The following PTPRD variants were observed in gnomAD, a reference collection of about 807,000 sequenced individuals.
PTPRD encodes the protein receptor-type tyrosine-protein phosphatase delta.
A neutral mutation model predicts 214.5 loss-of-function variants in PTPRD; 34 were observed. That is an observed-to-expected ratio of 0.16 (90% CI 0.12 to 0.21). PTPRD has a LOEUF of 0.21. Ranked by LOEUF, PTPRD falls within the 10% of genes least tolerant of loss-of-function variation. The pLI is 1.00. For synonymous variants in PTPRD, 1,128 were observed against 845.7 expected (o/e 1.33, Z -5.79); for missense variants, 2,545 against 2,398.7 (o/e 1.06, Z -1.27).
chr9:9,585,990 T>C (rs979357068), intron 7 of PTPRD, among the ~76,000 whole-genome samples: 3 of 151,950 alleles, frequency 2.0e-5, no homozygotes, highest in Non-Finnish European at 2.9e-5. Context: ...TAGTTCCGAG[T>C]TGGAAGCAGT....
At chr9:9,815,297 G>A (rs183298414) in intron 5 of PTPRD, among the ~76,000 whole-genome samples, 8 of 152,070 alleles carry the variant, frequency 5.3e-5, no homozygotes, top group Admixed American at 2.6e-4. Flanking sequence ...AATGGTGCCT[G>A]GAAAACTGGA....
chr9:9,055,881 T>A (rs2154397544), intron 10 of PTPRD, among the ~76,000 whole-genome samples: 1 of 151,610 alleles, frequency 6.6e-6, no homozygotes, highest in South Asian at 2.1e-4. Context: ...GTTATATATG[T>A]GCTATGAACA....
chr9:9,613,113 T>A (rs2094606640), intron 7 of PTPRD, among the ~76,000 whole-genome samples: 1 of 104,214 alleles, frequency 9.6e-6, no homozygotes, highest in African/African-American at 3.5e-5. Context: ...ATATAATAGC[T>A]AGGCTGCAGT....
intron 2 of PTPRD, among the ~76,000 whole-genome samples, chr9:10,541,049 G>C (rs185262615): frequency 6.6e-6 from 1 of 152,230 alleles, no homozygotes; most frequent in East Asian, 1.9e-4. Flanking sequence ...ACATTGATAC[G>C]CACTACACAT....
intron 2 of PTPRD, among the ~76,000 whole-genome samples, chr9:10,354,803 T>C (rs1396997412): frequency 6.6e-6 from 1 of 152,166 alleles, no homozygotes; most frequent in Non-Finnish European, 1.5e-5. Context: ...CATCTGACAG[T>C]TCTAATGGAG....
chr9:9,534,800 A>G (rs1279574185), intron 8 of PTPRD, among the ~76,000 whole-genome samples: 1 of 151,970 alleles, frequency 6.6e-6, no homozygotes, highest in Non-Finnish European at 1.5e-5. Context: ...TCTTATTTTT[A>G]CTTTTGCCTC....
intron 12 of PTPRD, among the ~76,000 whole-genome samples, chr9:8,702,516 C>G (rs1254544007): frequency 2.6e-5 from 4 of 152,174 alleles, no homozygotes; most frequent in African/African-American, 9.7e-5. Context: ...ATAAAGCCAA[C>G]AAGGACAGTT....
intron 9 of PTPRD, among the ~76,000 whole-genome samples, chr9:9,299,963 A>G (rs1569567177): frequency 6.7e-6 from 1 of 149,886 alleles, no homozygotes; most frequent in Non-Finnish European, 1.5e-5. Flanking sequence ...GTATGTACAT[A>G]GTTAACTATT....
intron 5 of PTPRD, among the ~76,000 whole-genome samples, chr9:9,877,699 G>T (rs1193992297): frequency 1.3e-5 from 2 of 152,096 alleles, no homozygotes; most frequent in Non-Finnish European, 2.9e-5. Context: ...GCTGGGCCAG[G>T]CACAGTGGCT....
intron 12 of PTPRD, chr9:8,713,582 A>C (rs534849431): frequency 1.2e-4 from 180 of 1,515,302 alleles, no homozygotes; most frequent in Non-Finnish European, 1.6e-4. Flanking sequence ...AGCGGCACCC[A>C]CAACATGTAC....
chr9:8,813,270 G>C (rs2096851905), intron 11 of PTPRD, among the ~76,000 whole-genome samples: 1 of 152,002 alleles, frequency 6.6e-6, no homozygotes. Context: ...AGGGCGGGGG[G>C]GCAGAGGCTG....
chr9:8,852,042 A>T lies in PTPRD; in HGVS notation c.-103-118096T>A, dbSNP rs952797317. ...ACAACCCTTTTAGTTAATAAATGAAATCCATCTACTAACGGTTTAAAAAAA... is the reference window on the plus strand; with the variant it reads ...ACAACCCTTTTAGTTAATAAATGAATTCCATCTACTAACGGTTTAAAAAAA... On this transcript the variant is annotated intron_variant, in intron 11 of 45. Transcript: ENST00000381196. Among the ~76,000 whole-genome samples, 31 of 127,348 alleles carry T rather than the reference A, an allele frequency of 2.4e-4. No homozygotes were observed. The Admixed American group carries it at 2.6e-3, about 11-fold the overall frequency. The allele number at this position is 127,348 out of a possible 152,430, so 83.5% of individuals were successfully genotyped here.
chr9:8,541,667 T>G (rs2078460113), intron 14 of PTPRD, among the ~76,000 whole-genome samples: 1 of 152,102 alleles, frequency 6.6e-6, no homozygotes, highest in South Asian at 2.1e-4. Context: ...GCGCCCAGCC[T>G]TTGTGTTTGT....
intron 5 of PTPRD, among the ~76,000 whole-genome samples, chr9:9,775,949 T>G (rs1328836433): frequency 3.8e-4 from 26 of 68,718 alleles, no homozygotes; most frequent in African/African-American, 1.3e-3. Flanking sequence ...AGCAAGACTC[T>G]GTCTCAAAAA....
At chr9:10,070,171 A>G (rs2097974349) in intron 3 of PTPRD, among the ~76,000 whole-genome samples, 2 of 152,012 alleles carry the variant, frequency 1.3e-5, no homozygotes. Flanking sequence ...ATTGGTTTTT[A>G]TGTTGGCTTT....
At chr9:9,699,623 AAT>A (rs2097452409) in intron 7 of PTPRD, among the ~76,000 whole-genome samples, 1 of 152,208 alleles carries the variant, frequency 6.6e-6, no homozygotes, top group Non-Finnish European at 1.5e-5. Flanking sequence ...CACTTAGAAG[AAT>A]ATGTGTTTTC....
chr9:10,049,573 G>A (rs146493810), intron 3 of PTPRD, among the ~76,000 whole-genome samples: 169 of 152,178 alleles, frequency 1.1e-3, no homozygotes, highest in African/African-American at 3.9e-3. Flanking sequence ...TGTTAATAAA[G>A]TTATAAGGGA....
intron 7 of PTPRD, among the ~76,000 whole-genome samples, chr9:9,701,954 A>C (rs925286749): frequency 2.0e-5 from 3 of 152,068 alleles, no homozygotes; most frequent in Non-Finnish European, 4.4e-5. Flanking sequence ...CTCCGTCTCT[A>C]CTAAAAATAC....
chr9:9,463,981 T>C (rs1161070951), intron 8 of PTPRD, among the ~76,000 whole-genome samples: 1 of 152,208 alleles, frequency 6.6e-6, no homozygotes, highest in Admixed American at 6.5e-5. Flanking sequence ...TACCTGCTTC[T>C]TGTTAACTAA....
Sources: gnomAD v4.1 joint callset for allele counts (sites outside exome capture counted in the v4.1 genomes callset) on GRCh38, gnomAD v4.1.1 for gene constraint, MANE v1.5 for transcripts, NCBI Gene and HGNC (gene_info 2026-07-23, HGNC 2026-07-21) for gene names.